HEATR4: variants seen among roughly 807,000 people sequenced by gnomAD.
The protein encoded by HEATR4 is HEAT repeat containing 4, also known as HEAT repeat-containing protein 4.
In HEATR4, 95 loss-of-function variants were observed where a neutral mutation model predicts 108.8. That is an observed-to-expected ratio of 0.87 (90% CI 0.74 to 1.04). The LOEUF is 1.04. Among genes scored for constraint, HEATR4 ranks in the 50% least tolerant of loss-of-function variants. HEATR4 has a pLI of 0.00. For missense variants in HEATR4, 1,152 were observed against 1,253.8 expected (o/e 0.92, Z 1.23); for synonymous variants, 443 against 459.4 (o/e 0.96, Z 0.46).
the HEATR4 span, among the ~76,000 whole-genome samples, chr14:73,566,958 C>T: frequency 2.0e-5 from 3 of 152,110 alleles, no homozygotes; most frequent in Non-Finnish European, 4.4e-5. Flanking sequence ...TGCCTGCCAC[C>T]ATGCCCAGTT....
chr14:73,565,388 C>CTTTT, the HEATR4 span, among the ~76,000 whole-genome samples: 2 of 139,756 alleles, frequency 1.4e-5, no homozygotes, highest in Non-Finnish European at 3.1e-5. Context: ...TTTTCTTTTC[C>CTTTT]TTTTTTTTTT....
the HEATR4 span, among the ~76,000 whole-genome samples, chr14:73,590,317 G>C: frequency 1.3e-5 from 2 of 152,306 alleles, no homozygotes; most frequent in South Asian, 4.1e-4. Context: ...CACAAACCCT[G>C]AGCTAGACAC....
upstream of HEATR4, among the ~76,000 whole-genome samples, chr14:73,559,469 G>C (rs909777311): frequency 5.3e-5 from 8 of 151,838 alleles, no homozygotes; most frequent in African/African-American, 1.9e-4. Flanking sequence ...GATGGCTCAC[G>C]CCTGCAATTT....
chr14:73,478,784 G>A lies in HEATR4; in HGVS notation c.2903C>T (p.Thr968Ile). 3 of 1,614,068 alleles carry A rather than the reference G, an allele frequency of 1.9e-6. No individual in the cohort carries two copies. The highest frequency in any genetic ancestry group is 2.5e-6 in the Non-Finnish European group (3 of 1,179,984). The change falls in exon 18 of 18, where the codon ACA becomes ATA. Residue 968 changes from threonine (T) to isoleucine (I), a missense_variant. Coordinates refer to ENST00000553558, the MANE Select transcript of HEATR4 (RefSeq NM_001220484.1). ...WLQSSVPGLT[T>I]RSKVRSSLVK... ...AAGTGATGAACGAACTTTGCTTCGT[G>A]TGGTTAGGCCTGGGACTGAACTTTG...
At chr14:73,553,509 T>C (rs1339233532) in intron 1 of HEATR4, among the ~76,000 whole-genome samples, 1 of 113,554 alleles carries the variant, frequency 8.8e-6, no homozygotes, top group African/African-American at 2.8e-5. Flanking sequence ...GGACTAGATC[T>C]CCAAAAAAAA....
At chr14:73,594,710 T>TTATTTATC in the HEATR4 span, among the ~76,000 whole-genome samples, 12 of 151,178 alleles carry the variant, frequency 7.9e-5, no homozygotes, top group African/African-American at 2.7e-4. Context: ...ATTTATTTAT[T>TTATTTATC]TATCTTTTGA....
At chr14:73,550,757 G>A (rs1889306725) in intron 1 of HEATR4, among the ~76,000 whole-genome samples, 1 of 115,598 alleles carries the variant, frequency 8.7e-6, no homozygotes, top group South Asian at 2.8e-4. Flanking sequence ...TGTGTCTCTT[G>A]TTTAAATTCT....
At chr14:73,569,805 C>G in the HEATR4 span, 1 of 1,602,440 alleles carries the variant, frequency 6.2e-7, no homozygotes, top group Non-Finnish European at 8.5e-7. Context: ...GCGGCACGAG[C>G]GCTACTTCCT....
chr14:73,485,426 A>G (rs1324318668), intron 17 of HEATR4, among the ~76,000 whole-genome samples: 1 of 147,192 alleles, frequency 6.8e-6, no homozygotes, highest in Non-Finnish European at 1.5e-5. Context: ...TTTTCGAGAC[A>G]GGGTTTGGCT....
At position 73,506,804 on chromosome 14, in the gene HEATR4, G is replaced by GTTTTTTTTTTTTTTGTTT. The variant is rs1268314395; in HGVS notation, c.1882-234_1882-233insAAACAAAAAAAAAAAAAA. On this transcript the variant is annotated intron_variant, in intron 9 of 17. Transcript: ENST00000553558. Reference sequence around the variant, plus strand: ...GGACCTTCCTTTCCTGACTTTAACTGTTTTTTTTTTTTTTTTTTTTTCTGA... The same window carrying GTTTTTTTTTTTTTTGTTT: ...GGACCTTCCTTTCCTGACTTTAACTGTTTTTTTTTTTTTTGTTTTTTTTTTTTTTTTTTTTTTTTCTGA... 8.7e-5 allele frequency among the ~76,000 whole-genome samples: 7 copies of GTTTTTTTTTTTTTTGTTT among 80,524 alleles called. 1 individual carries two copies. The highest frequency in any genetic ancestry group is 2.4e-4 in the African/African-American group (5 of 20,410). 52.8% of individuals were successfully genotyped at this position (80,524 alleles called of 152,430 possible).
At chr14:73,587,222 T>G in the HEATR4 span, among the ~76,000 whole-genome samples, 3,566 of 152,142 alleles carry the variant, frequency 0.023, 150 homozygotes, top group African/African-American at 0.081. Context: ...TGCATTAGCT[T>G]CGGGGTGTCA....
the HEATR4 span, among the ~76,000 whole-genome samples, chr14:73,596,942 CT>C: frequency 1.3e-5 from 2 of 151,862 alleles, no homozygotes; most frequent in African/African-American, 4.8e-5. Flanking sequence ...AAGATAATGG[CT>C]GAGAAATTTC....
chr14:73,619,759 G>A, the HEATR4 span: 12 of 1,611,020 alleles, frequency 7.4e-6, no homozygotes, highest in Non-Finnish European at 1.0e-5. Flanking sequence ...AAAGGCACAG[G>A]TAGATGCCTG....
chr14:73,572,770 C>T, the HEATR4 span, among the ~76,000 whole-genome samples: 28 of 149,488 alleles, frequency 1.9e-4, no homozygotes, highest in Admixed American at 2.7e-4. Flanking sequence ...CTCAGCCTCC[C>T]GAGTAGCTGG....
the HEATR4 span, among the ~76,000 whole-genome samples, chr14:73,596,896 G>A: frequency 2.0e-5 from 3 of 152,046 alleles, no homozygotes; most frequent in African/African-American, 7.2e-5. Context: ...ACCGCGCCCA[G>A]CTTACATAGC....
rs1278775255 is a variant in HEATR4 at position 73,492,431 on chromosome 14, C to T, written c.2844+635G>A. On this transcript the variant is annotated intron_variant, in intron 17 of 17. Coordinates refer to ENST00000553558, the MANE Select transcript of HEATR4 (RefSeq NM_001220484.1). The surrounding 1 kb of genome is among the most constrained non-coding windows in gnomAD (Gnocchi z 4.9). ...GGCCCAGCATTCAGATTCTAAGGAT[C>T]CGCGAAGAACCGCTTTCATGGAGAA... 5.0e-6 allele frequency: 8 copies of T among 1,613,548 alleles called. No homozygotes were observed. Among genetic ancestry groups the T allele is most frequent in the Non-Finnish European group, 6.8e-6 (8 of 1,179,742 alleles).
chr14:73,585,079 G>A, the HEATR4 span, among the ~76,000 whole-genome samples: 5 of 151,824 alleles, frequency 3.3e-5, no homozygotes, highest in Non-Finnish European at 5.9e-5. Context: ...GCCTGTCTGT[G>A]TGGGCAGCTC....
chr14:73,523,728 G>T (rs1888117413), intron 2 of HEATR4, among the ~76,000 whole-genome samples: 1 of 152,040 alleles, frequency 6.6e-6, no homozygotes, highest in South Asian at 2.1e-4. Context: ...TTTCGTACTT[G>T]ACACAAATTC....
At chr14:73,508,610 G>A (rs1395454509) in intron 8 of HEATR4, among the ~76,000 whole-genome samples, 1 of 151,922 alleles carries the variant, frequency 6.6e-6, no homozygotes, top group African/African-American at 2.4e-5. Flanking sequence ...TCAGCCAGGC[G>A]TGGTGGCATG....
Sources: gnomAD v4.1 joint callset for allele counts (sites outside exome capture counted in the v4.1 genomes callset) on GRCh38, gnomAD v4.1.1 for gene constraint, Gnocchi (gnomAD v3.1) non-coding constraint, MANE v1.5 for transcripts, NCBI Gene and HGNC (gene_info 2026-07-23, HGNC 2026-07-21) for gene names.